Variants in GRIK3 observed in about 807,000 individuals in gnomAD.
GRIK3 encodes the protein glutamate ionotropic receptor kainate type subunit 3, also known as glutamate receptor ionotropic, kainate 3.
In GRIK3, 29 loss-of-function variants were observed where a neutral mutation model predicts 102.5. That is an observed-to-expected ratio of 0.28 (90% CI 0.21 to 0.39). The LOEUF is 0.39. GRIK3 is among the 10% of genes least tolerant of loss of function. The probability of loss-of-function intolerance (pLI) is 1.00; values close to 1 mark genes in which losing one functional copy is unlikely to be tolerated. For missense variants in GRIK3, 908 were observed against 1,252.4 expected, an observed-to-expected ratio of 0.73 and a Z score of 4.15; for synonymous variants, 511 against 504.9, an observed-to-expected ratio of 1.01 and a Z score of -0.16.
At position 36,802,022 on chromosome 1, in the gene GRIK3, G is replaced by C. The variant is rs747009833; in HGVS notation, c.2589C>G (p.Ala863=). Residue 863 remains alanine, a synonymous_variant, in exon 16 of 16, where the codon GCC becomes GCG. Coordinates refer to ENST00000373091, the MANE Select transcript of GRIK3 (RefSeq NM_000831.4). ...REQRSFCSTV[A]DEIRFSLTCQ... The stretch of plus-strand genomic sequence containing the variant: ...AGGTAAGGGAGAAACGGATCTCATC[G>C]GCCACGGTGCTGCAGAAGGAACGCT... 1 of 1,612,670 alleles carries C rather than the reference G, an allele frequency of 6.2e-7. No individual in the cohort carries two copies. The highest frequency in any genetic ancestry group is 1.7e-5 in the Admixed American group (1 of 59,936).
chr1:37,033,567 G>A (rs1158020452), intron 1 of GRIK3, among the ~76,000 whole-genome samples: 2 of 152,238 alleles, frequency 1.3e-5, no homozygotes, highest in Non-Finnish European at 2.9e-5. Context: ...AGGTGGGGAC[G>A]AAGGGCCCGC....
chr1:36,798,282 G>T lies in GRIK3; in HGVS notation c.*3569C>A, dbSNP rs1162693582. ...CCCTCAACTTGGCCAGCTTGAGCAGGTGGAGAGGAGGCACTTGCATTTGGG... is the reference window on the plus strand; with the variant it reads ...CCCTCAACTTGGCCAGCTTGAGCAGTTGGAGAGGAGGCACTTGCATTTGGG... On this transcript the variant is annotated 3_prime_UTR_variant, in exon 16 of 16. Transcript: ENST00000373091. The T allele has an allele frequency of 1.3e-5, 2 of 152,330 alleles. No homozygotes were observed. The highest frequency in any genetic ancestry group is 1.3e-4 in the Admixed American group (2 of 15,294). The allele number at this position is 152,330 out of a possible 1,614,324, so 9.4% of individuals were successfully genotyped here. A position where few individuals can be genotyped will look rare whatever the true frequency, so the allele number is the denominator to read the frequency against.
intron 1 of GRIK3, among the ~76,000 whole-genome samples, chr1:37,027,738 C>A (rs1426580009): frequency 6.6e-6 from 1 of 152,196 alleles, no homozygotes; most frequent in Non-Finnish European, 1.5e-5. Flanking sequence ...ATGCCTGTCT[C>A]AAATCTGTCA....
rs1023478437 is a variant in GRIK3, at chr1:36,945,492, C to T, written c.116-54396G>A. ...TTTCAGACCTGGCAGAGACTTGCGA[C>T]GTCATTTAGACTGATCCTGCAACAT... On this transcript the variant is annotated intron_variant, in intron 1 of 15. Transcript: ENST00000373091. 3.7e-4 allele frequency among the ~76,000 whole-genome samples: 56 copies of T among 152,182 alleles called. 2 individuals are homozygous for T. The highest frequency in any genetic ancestry group is 1.2e-3 in the African/African-American group (51 of 41,446).
chr1:37,001,897 G>A (rs1292687929), intron 1 of GRIK3, among the ~76,000 whole-genome samples: 4 of 149,446 alleles, frequency 2.7e-5, no homozygotes, highest in Non-Finnish European at 6.0e-5. Flanking sequence ...GGACCTCTAG[G>A]AGACAATGTG....
chr1:37,025,019 G>A (rs891913566), intron 1 of GRIK3, among the ~76,000 whole-genome samples: 1 of 152,182 alleles, frequency 6.6e-6, no homozygotes, highest in Admixed American at 6.5e-5. Context: ...CAGCCAGGAG[G>A]GAAGGGATCA....
chr1:37,021,427 G>A (rs984961775), intron 1 of GRIK3, among the ~76,000 whole-genome samples: 3 of 152,122 alleles, frequency 2.0e-5, no homozygotes, highest in East Asian at 3.9e-4. Context: ...CTCAAGTGCT[G>A]AAAGATTTCC....
At chr1:36,814,012 C>T (rs1642592919) in intron 13 of GRIK3, among the ~76,000 whole-genome samples, 1 of 152,192 alleles carries the variant, frequency 6.6e-6, no homozygotes, top group African/African-American at 2.4e-5. Context: ...GACCCACAGA[C>T]TCCTGTGAGC....
chr1:36,984,801 C>T (rs541124191), intron 1 of GRIK3, among the ~76,000 whole-genome samples: 1 of 152,298 alleles, frequency 6.6e-6, no homozygotes, highest in African/African-American at 2.4e-5. Context: ...AGAGCCCAGG[C>T]CAGAAGGGCT....
chr1:36,926,418 T>G (rs1570802721), intron 1 of GRIK3, among the ~76,000 whole-genome samples: 1 of 150,030 alleles, frequency 6.7e-6, no homozygotes, highest in Non-Finnish European at 1.5e-5. Context: ...TGAGATGGAG[T>G]CTCACCCTGT....
At chr1:36,976,306 G>C (rs1021655791) in intron 1 of GRIK3, among the ~76,000 whole-genome samples, 1 of 152,142 alleles carries the variant, frequency 6.6e-6, no homozygotes, top group Non-Finnish European at 1.5e-5. Flanking sequence ...CCCAAGACAG[G>C]AGGTCCTACA....
rs1307689436 is a variant in GRIK3, at chr1:36,799,524, G to C, written c.*2327C>G. ...ACATGCACTCAGACATGGACCCCTT[G>C]GTGACATGGCTTCTCCTTTTACGCA... On this transcript the variant is annotated 3_prime_UTR_variant, in exon 16 of 16. Coordinates refer to ENST00000373091, the MANE Select transcript of GRIK3 (RefSeq NM_000831.4). The C allele has an allele frequency of 6.6e-6, 1 of 152,186 alleles. No individual in the cohort carries two copies. Among genetic ancestry groups the C allele is most frequent in the East Asian group, 1.9e-4 (1 of 5,178 alleles). 9.4% of individuals were successfully genotyped at this position (152,186 alleles called of 1,614,324 possible). A position where few individuals can be genotyped will look rare whatever the true frequency, so the allele number is the denominator to read the frequency against.
intron 1 of GRIK3, among the ~76,000 whole-genome samples, chr1:36,900,122 A>G (rs182620080): frequency 2.7e-4 from 41 of 152,334 alleles, no homozygotes; most frequent in Admixed American, 2.4e-3. Context: ...CACATGGAAC[A>G]TTCAGCAATA....
At chr1:36,968,999 T>A (rs911664275) in intron 1 of GRIK3, among the ~76,000 whole-genome samples, 2 of 152,204 alleles carry the variant, frequency 1.3e-5, no homozygotes, top group Non-Finnish European at 2.9e-5. Context: ...CCCTACTCTC[T>A]CTACTCCCAT....
At chr1:36,936,931 G>A (rs1641665108) in intron 1 of GRIK3, among the ~76,000 whole-genome samples, 2 of 152,090 alleles carry the variant, frequency 1.3e-5, no homozygotes, top group Non-Finnish European at 2.9e-5. Flanking sequence ...GAAGAATTGG[G>A]AGCTGGATAC....
intron 13 of GRIK3, among the ~76,000 whole-genome samples, chr1:36,808,901 C>G (rs766322853): frequency 1.3e-5 from 2 of 152,192 alleles, no homozygotes; most frequent in Non-Finnish European, 2.9e-5. Flanking sequence ...TTCTTCTAAT[C>G]AAAGTATCCT....
At chr1:37,010,682 C>T (rs1025828384) in intron 1 of GRIK3, among the ~76,000 whole-genome samples, 5 of 151,478 alleles carry the variant, frequency 3.3e-5, no homozygotes, top group South Asian at 2.1e-4. Flanking sequence ...TGCGCTCCAG[C>T]GAGTCACTGC....
chr1:36,895,542 G>A (rs1011933744), intron 1 of GRIK3, among the ~76,000 whole-genome samples: 3 of 152,170 alleles, frequency 2.0e-5, no homozygotes, highest in Non-Finnish European at 4.4e-5. Flanking sequence ...CAGCTGAGAA[G>A]TGGGTCTCTG....
At chr1:36,849,917 C>G (rs144028461) in intron 9 of GRIK3, 2 of 192,530 alleles carry the variant, frequency 1.0e-5, no homozygotes, top group Non-Finnish European at 2.1e-5. Context: ...GCTGGGCTCT[C>G]GAGGTGTGGC....
Sources: gnomAD v4.1 joint callset for allele counts (sites outside exome capture counted in the v4.1 genomes callset) on GRCh38, gnomAD v4.1.1 for gene constraint, MANE v1.5 for transcripts, NCBI Gene and HGNC (gene_info 2026-07-23, HGNC 2026-07-21) for gene names.